Variants in ZNF347 observed in about 807,000 individuals in gnomAD.
The protein encoded by ZNF347 is CTD-2620I22.7.
Under a neutral mutation model 12.9 loss-of-function variants are expected in ZNF347, and 19 were observed. The ratio of observed to expected loss-of-function variants is 1.47; its 90% confidence interval spans 1.03 to 2.16. The LOEUF (loss-of-function observed/expected upper bound fraction) is 2.16, where lower values mean the gene tolerates loss of function less well. ZNF347 is among the 30% of genes most tolerant of loss of function. The pLI, the probability that ZNF347 is intolerant of heterozygous loss-of-function variation, is 0.00. For synonymous variants in ZNF347, 328 were observed against 340.6 expected (o/e 0.96, Z 0.41); for missense variants, 1,005 against 990.6 (o/e 1.01, Z -0.19).
At chr19:53,157,106 A>G (rs2090540632) in intron 1 of ZNF347, among the ~76,000 whole-genome samples, 1 of 152,196 alleles carries the variant, frequency 6.6e-6, no homozygotes, top group Admixed American at 6.5e-5. Context: ...AAACTAAATG[A>G]GCGAAGTCAC....
Position 53,139,120 on chromosome 19 carries a change from T to C in ZNF347, c.*1188A>G, listed in dbSNP as rs1420783889. The C allele has an allele frequency of 2.0e-5, 3 of 152,130 alleles. No individual in the cohort carries two copies. Among genetic ancestry groups the C allele is most frequent in the Non-Finnish European group, 4.4e-5 (3 of 68,022 alleles). The allele number at this position is 152,130 out of a possible 1,614,324, so 9.4% of individuals were successfully genotyped here. On this transcript the variant is annotated 3_prime_UTR_variant, in exon 5 of 5. Coordinates refer to ENST00000334197, the MANE Select transcript of ZNF347 (RefSeq NM_032584.3). ...TAATCAGTCACTAATAACTTATTAC[T>C]CTCCTCTCATAAAAATTCCAGTGTC...
In ZNF347 at chr19:53,148,652, G is replaced by T. The variant is rs199849982; in HGVS notation, c.271+29C>A. 4.9e-4 allele frequency: 779 copies of T among 1,593,622 alleles called. 2 individuals are homozygous for T. Among genetic ancestry groups the T allele is most frequent in the Middle Eastern group, 1.7e-4 (1 of 5,970 alleles). ...TTTCCCAAACACTATTTAATAAACG[G>T]CATTTTCTCTACCCATCTGAACTCT... On this transcript the variant is annotated intron_variant, in intron 4 of 4. Transcript: ENST00000334197.
chr19:53,150,260 A>AT (rs1266796249), intron 2 of ZNF347, among the ~76,000 whole-genome samples: 1 of 152,178 alleles, frequency 6.6e-6, no homozygotes, highest in Non-Finnish European at 1.5e-5. Flanking sequence ...CCAGTGCAGA[A>AT]TTGCTCCCTT....
Position 53,141,418 on chromosome 19 carries a change from T to C in ZNF347, c.1410A>G (p.Ser470=). 1 of 1,613,876 alleles carries C rather than the reference T, an allele frequency of 6.2e-7. No homozygotes were observed. The highest frequency in any genetic ancestry group is 8.5e-7 in the Non-Finnish European group (1 of 1,179,916). Residue 470 remains serine (S), a synonymous_variant, in exon 5 of 5, where the codon TCA becomes TCG. Coordinates refer to ENST00000334197, the MANE Select transcript of ZNF347 (RefSeq NM_032584.3). ...GAATTAGCTGATGCCTTGCAAGGTG[T>C]GAATTACGCCTAAAGACCTTGCCGC... ...HECGKVFRRN[S]HLARHQLIHT... is the part of the protein sequence containing the mutation.
Position 53,135,319 on chromosome 19 carries a change from TATATATATATATATATATATAGAG to T in ZNF347, c.*4965_*4988del, listed in dbSNP as rs1421039865. 8.2e-4 allele frequency: 46 copies of T among 56,130 alleles called. No homozygotes were observed. Among genetic ancestry groups the T allele is most frequent in the Admixed American group, 3.1e-3 (18 of 5,874 alleles). The allele number at this position is 56,130 out of a possible 1,614,324, so 3.5% of individuals were successfully genotyped here. The stretch of plus-strand genomic sequence containing the variant: ...TTCTAAATATATATATATATATATA[TATATATATATATATATATATAGAG>T]AGAGAGAGAGAGAGAGAGAGAGAGA... On this transcript the variant is annotated 3_prime_UTR_variant, in exon 5 of 5. Transcript: ENST00000334197.
chr19:53,156,958 C>T (rs949873043), intron 1 of ZNF347, among the ~76,000 whole-genome samples: 5 of 151,936 alleles, frequency 3.3e-5, no homozygotes, highest in African/African-American at 9.7e-5. Context: ...TGAGTGGAGG[C>T]GAGACACTGT....
intron 4 of ZNF347, among the ~76,000 whole-genome samples, chr19:53,146,877 T>G (rs1454921464): frequency 6.6e-6 from 1 of 151,828 alleles, no homozygotes; most frequent in Non-Finnish European, 1.5e-5. Context: ...AAAAAAAAAT[T>G]TCATGTAGAA....
intron 4 of ZNF347, among the ~76,000 whole-genome samples, chr19:53,143,777 G>T (rs886123023): frequency 6.6e-6 from 1 of 151,990 alleles, no homozygotes; most frequent in East Asian, 1.9e-4. Context: ...GGTATTTCTA[G>T]TTCTAGATCC....
intron 2 of ZNF347, among the ~76,000 whole-genome samples, chr19:53,153,235 T>C (rs954455763): frequency 3.9e-5 from 6 of 152,214 alleles, no homozygotes; most frequent in Non-Finnish European, 1.5e-5. Flanking sequence ...CAGTCATTAA[T>C]AAGAGTTTGG....
chr19:53,140,395 G>C lies in ZNF347; in HGVS notation c.2433C>G (p.Ile811Met). Reference sequence around the variant, plus strand: ...ATTTGTAAGGTTTCCCACCAGTATGGATTGTCTGATGGGTAGTTAGGCTTG... The same window carrying C: ...ATTTGTAAGGTTTCCCACCAGTATGCATTGTCTGATGGGTAGTTAGGCTTG... ...ICSSLTTHQT[I>M]HTGGKPYKCN... Residue 811 changes from isoleucine (I) to methionine (M), a missense_variant, in exon 5 of 5, where the codon ATC becomes ATG. Coordinates refer to ENST00000334197, the MANE Select transcript of ZNF347 (RefSeq NM_032584.3). 1 of 1,612,894 alleles carries C rather than the reference G, an allele frequency of 6.2e-7. No individual in the cohort carries two copies. Among genetic ancestry groups the C allele is most frequent in the Middle Eastern group, 1.7e-4 (1 of 6,044 alleles).
rs572559202 is a variant in ZNF347 at position 53,149,471 on chromosome 19, T to C, written c.16-104A>G. 3.8e-6 allele frequency: 6 copies of C among 1,577,494 alleles called. No homozygotes were observed. In the Admixed American group the frequency reaches 9.1e-5, roughly 24 times the overall value. On this transcript the variant is annotated intron_variant, in intron 2 of 4. Transcript: ENST00000334197. ...TTAAACTGGAGTAAGTGGGCCGATA[T>C]CCAAGTTGTGATATAATAAAATATA...
In ZNF347 at chr19:53,140,372, T is replaced by G. The variant is rs1044280758; in HGVS notation, c.2456A>C (p.Lys819Thr). 6.2e-7 allele frequency: 1 copy of G among 1,602,846 alleles called. No homozygotes were observed. ...CTTTAGAACTTTCCACACGTTACATTTGTAAGGTTTCCCACCAGTATGGAT... is the reference window on the plus strand; with the variant it reads ...CTTTAGAACTTTCCACACGTTACATGTGTAAGGTTTCCCACCAGTATGGAT... ...QTIHTGGKPY[K>T]CNVWKVLKSE... is the part of the protein sequence containing the mutation. Residue 819 changes from lysine to threonine, a missense_variant, in exon 5 of 5, where the codon AAA becomes ACA. Coordinates refer to ENST00000334197, the MANE Select transcript of ZNF347 (RefSeq NM_032584.3).
chr19:53,150,673 C>T (rs769508329), intron 2 of ZNF347, among the ~76,000 whole-genome samples: 1 of 152,100 alleles, frequency 6.6e-6, no homozygotes, highest in Non-Finnish European at 1.5e-5. Context: ...CTGTGATCAT[C>T]GCAATAACAA....
At chr19:53,152,846 C>T (rs1305683596) in intron 2 of ZNF347, among the ~76,000 whole-genome samples, 1 of 151,658 alleles carries the variant, frequency 6.6e-6, no homozygotes, top group Admixed American at 6.6e-5. Flanking sequence ...AGGAGAATGG[C>T]GTGAAAGCAG....
chr19:53,150,809 A>G (rs1005169811), intron 2 of ZNF347, among the ~76,000 whole-genome samples: 11 of 152,160 alleles, frequency 7.2e-5, no homozygotes, highest in Non-Finnish European at 1.5e-4. Flanking sequence ...GCATGATCTC[A>G]GTTCACTGCA....
In ZNF347 at chr19:53,140,704, T is replaced by A. The variant is rs1221601539; in HGVS notation, c.2124A>T (p.Pro708=). 5 of 1,613,488 alleles carry A rather than the reference T, an allele frequency of 3.1e-6. No individual in the cohort carries two copies. The East Asian group carries it at 1.1e-4, about 36-fold the overall frequency. The change falls in exon 5 of 5, where the codon CCA becomes CCT. Residue 708 remains proline (P), a synonymous_variant. Transcript: ENST00000334197. ...CTTTCCCACACTGATTACACTCATA[T>A]GGTTTCTCTCCAGTATGAACTCTCT... is the stretch of plus-strand genomic sequence containing the variant. ...RHQRVHTGEK[P]YECNQCGKAF...
Position 53,136,337 on chromosome 19 carries a change from A to G in ZNF347, c.*3971T>C, listed in dbSNP as rs982016358. 4 of 152,028 alleles carry G rather than the reference A, an allele frequency of 2.6e-5. No individual in the cohort carries two copies. Among genetic ancestry groups the G allele is most frequent in the African/African-American group, 9.7e-5 (4 of 41,384 alleles). The allele number at this position is 152,028 out of a possible 1,614,324, so 9.4% of individuals were successfully genotyped here. On this transcript the variant is annotated 3_prime_UTR_variant, in exon 5 of 5. Transcript: ENST00000334197. ...CAACACCCTCATTTATGTATTTTCT[A>G]AGTGTTCACTGGAGTAACACAGAGA...
intron 4 of ZNF347, among the ~76,000 whole-genome samples, chr19:53,145,260 A>T (rs1425157948): frequency 1.0e-4 from 15 of 143,518 alleles, no homozygotes; most frequent in South Asian, 2.3e-4. Context: ...CATGCACTCC[A>T]GCCTGGGTGA....
In ZNF347 at chr19:53,135,371, G is replaced by GAGAGAGAGAGAGAGAGAGAGAA. The variant is rs2090383032; in HGVS notation, c.*4936_*4937insTTCTCTCTCTCTCTCTCTCTCT. On this transcript the variant is annotated 3_prime_UTR_variant, in exon 5 of 5. Coordinates refer to ENST00000334197, the MANE Select transcript of ZNF347 (RefSeq NM_032584.3). ...AGAGAGAGAGAGAGAGAGAGAGAAA[G>GAGAGAGAGAGAGAGAGAGAGAA]AGAGAGAGAGAGAGAGAGAGAGATG... 1.6e-5 allele frequency: 1 copy of GAGAGAGAGAGAGAGAGAGAGAA among 63,764 alleles called. No individual in the cohort carries two copies. The highest frequency in any genetic ancestry group is 3.8e-5 in the African/African-American group (1 of 26,244). 3.9% of individuals were successfully genotyped at this position (63,764 alleles called of 1,614,324 possible). A position where few individuals can be genotyped will look rare whatever the true frequency, so the allele number is the denominator to read the frequency against.
Sources: gnomAD v4.1 joint callset for allele counts (sites outside exome capture counted in the v4.1 genomes callset) on GRCh38, gnomAD v4.1.1 for gene constraint, MANE v1.5 for transcripts, NCBI Gene and HGNC (gene_info 2026-07-23, HGNC 2026-07-21) for gene names.